AGBL2: variants seen among roughly 807,000 people sequenced by gnomAD.
AGBL2 encodes the protein cytosolic carboxypeptidase 2.
A neutral mutation model predicts 103.0 loss-of-function variants in AGBL2; 87 were observed. The observed-to-expected ratio is 0.84, with a 90% CI of 0.71 to 1.01. The LOEUF is 1.01. Among genes scored for constraint, AGBL2 ranks in the 50% least tolerant of loss-of-function variants. The probability of loss-of-function intolerance (pLI) is 0.00; values close to 1 mark genes in which losing one functional copy is unlikely to be tolerated. For missense variants in AGBL2, 904 were observed against 1,023.5 expected (o/e 0.88, Z 1.59); for synonymous variants, 335 against 356.7 (o/e 0.94, Z 0.69).
intron 13 of AGBL2, among the ~76,000 whole-genome samples, chr11:47,678,307 T>G (rs943506395): frequency 7.5e-6 from 1 of 132,844 alleles, no homozygotes; most frequent in African/African-American, 2.5e-5. Flanking sequence ...TTTATTTTAT[T>G]TTATTTTATT....
At chr11:47,661,755 C>T (rs1035525766) in intron 18 of AGBL2, among the ~76,000 whole-genome samples, 1 of 151,910 alleles carries the variant, frequency 6.6e-6, no homozygotes, top group African/African-American at 2.4e-5. Flanking sequence ...AGCTGTTTTG[C>T]CACCTTTTTT....
At chr11:47,663,135 C>A (rs2097332367) in intron 17 of AGBL2, 23 bp from the exon 18 acceptor site, 1 of 1,503,432 alleles carries the variant, frequency 6.7e-7, no homozygotes, top group Admixed American at 2.2e-5. Flanking sequence ...AACATATCCT[C>A]ACTAAATTTT....
Position 47,707,692 on chromosome 11 carries a change from T to C in AGBL2, c.233-1775A>G, listed in dbSNP as rs143152055. On this transcript the variant is annotated intron_variant, in intron 4 of 18. Transcript: ENST00000525123. ...CTTCCTAAAAGTCTACTTACTCACA[T>C]TGGCAACAGCAGTATAGGAAAGTGT... Among the ~76,000 whole-genome samples, 1,502 of 152,280 alleles carry C rather than the reference T, an allele frequency of 9.9e-3. 11 individuals carry two copies. The highest frequency in any genetic ancestry group is 0.037 in the Middle Eastern group (11 of 294).
At chr11:47,697,946 C>T (rs909696728) in intron 8 of AGBL2, among the ~76,000 whole-genome samples, 1 of 149,458 alleles carries the variant, frequency 6.7e-6, no homozygotes, top group Non-Finnish European at 1.5e-5. Context: ...CAGCAACCTC[C>T]AACTCCCAAG....
At chr11:47,689,949 G>A (rs969418030) in intron 10 of AGBL2, 127 bp downstream of exon 10, 3 of 757,542 alleles carry the variant, frequency 4.0e-6, no homozygotes, top group Non-Finnish European at 6.1e-6. Flanking sequence ...GACTGGTAAG[G>A]GCTCTGTCTC....
chr11:47,686,186 A>T, intron 10 of AGBL2, 137 bp from the exon 11 acceptor site: 1 of 819,506 alleles, frequency 1.2e-6, no homozygotes, highest in East Asian at 2.7e-5. Flanking sequence ...TTGGCCTTCA[A>T]TGGACCCTAT....
intron 11 of AGBL2, 125 bp downstream of exon 11, chr11:47,685,768 G>C (rs968754239): frequency 3.4e-5 from 36 of 1,067,272 alleles, no homozygotes; most frequent in Admixed American, 4.7e-5. Context: ...TTGAAGTCTA[G>C]GTTGCTCGGA....
At chr11:47,705,670 G>T in intron 5 of AGBL2, 36 bp from the exon 6 acceptor site, 2 of 558,942 alleles carry the variant, frequency 3.6e-6, no homozygotes, top group Non-Finnish European at 6.4e-6. Context: ...AAAAGAAAAA[G>T]AAGAAAGGGA....
intron 10 of AGBL2, among the ~76,000 whole-genome samples, chr11:47,686,743 C>T (rs971332387): frequency 2.1e-4 from 32 of 151,524 alleles, no homozygotes; most frequent in African/African-American, 7.5e-4. Context: ...GGTGGATCAC[C>T]TGAGGTTAGG....
At chr11:47,680,786 G>GAAACCA (rs113611255) in intron 12 of AGBL2, among the ~76,000 whole-genome samples, 2 of 147,494 alleles carry the variant, frequency 1.4e-5, no homozygotes, top group Non-Finnish European at 3.0e-5. Flanking sequence ...GGGAGACCCT[G>GAAACCA]AAACAAAACA....
At chr11:47,710,817 G>A (rs1024684041) in intron 3 of AGBL2, 2 of 478,680 alleles carry the variant, frequency 4.2e-6, no homozygotes, top group East Asian at 1.2e-4. Context: ...TTGGAACTCA[G>A]AAAATGATAG....
chr11:47,711,942 G>C (rs1017730), intron 3 of AGBL2, among the ~76,000 whole-genome samples: 2 of 152,100 alleles, frequency 1.3e-5, no homozygotes, highest in African/African-American at 4.8e-5. Flanking sequence ...AGCTGGGTGT[G>C]CTGGCATGTG....
chr11:47,697,884 G>T (rs1404267282), intron 8 of AGBL2, among the ~76,000 whole-genome samples: 1 of 149,574 alleles, frequency 6.7e-6, no homozygotes, highest in Non-Finnish European at 1.5e-5. Flanking sequence ...TAATGAGACG[G>T]AGTTTCACCC....
intron 14 of AGBL2, among the ~76,000 whole-genome samples, chr11:47,672,800 T>A (rs1157364485): frequency 6.6e-6 from 1 of 152,162 alleles, no homozygotes; most frequent in Non-Finnish European, 1.5e-5. Flanking sequence ...TGGGCCCAGA[T>A]GTCAATGTGC....
intron 3 of AGBL2, 80 bp from the exon 4 acceptor site, chr11:47,710,591 C>G: frequency 3.3e-6 from 5 of 1,529,422 alleles, no homozygotes; most frequent in Non-Finnish European, 4.5e-6. Flanking sequence ...CAAACCACTA[C>G]TCCTTTTATC....
chr11:47,704,050 C>T (rs1367862705), intron 7 of AGBL2, among the ~76,000 whole-genome samples: 3 of 151,482 alleles, frequency 2.0e-5, no homozygotes, highest in Non-Finnish European at 4.4e-5. Flanking sequence ...TGCCATGAGT[C>T]GAGATTGCGC....
intron 10 of AGBL2, among the ~76,000 whole-genome samples, chr11:47,688,463 A>G (rs558058363): frequency 3.3e-5 from 5 of 152,270 alleles, no homozygotes; most frequent in Non-Finnish European, 7.4e-5. Context: ...CAGTTCCTAC[A>G]AGGCTCAGCT....
At chr11:47,673,956 G>T (rs7116970) in intron 14 of AGBL2, among the ~76,000 whole-genome samples, 2 of 151,232 alleles carry the variant, frequency 1.3e-5, no homozygotes, top group African/African-American at 4.9e-5. Context: ...GCCAGCCGTG[G>T]TGGTGGGCAC....
chr11:47,671,349 T>C (rs1414360105), intron 14 of AGBL2, among the ~76,000 whole-genome samples: 1 of 151,876 alleles, frequency 6.6e-6, no homozygotes, highest in Non-Finnish European at 1.5e-5. Context: ...ACTCCATCTC[T>C]ACTAAAAATA....
Sources: gnomAD v4.1 joint callset for allele counts (sites outside exome capture counted in the v4.1 genomes callset) on GRCh38, gnomAD v4.1.1 for gene constraint, MANE v1.5 for transcripts, NCBI Gene and HGNC (gene_info 2026-07-23, HGNC 2026-07-21) for gene names.